ADAMTS12: variants seen among roughly 807,000 people sequenced by gnomAD.
The protein encoded by ADAMTS12 is A disintegrin and metalloproteinase with thrombospondin motifs 12.
A neutral mutation model predicts 167.8 loss-of-function variants in ADAMTS12; 118 were observed. The ratio of observed to expected loss-of-function variants is 0.70; its 90% confidence interval spans 0.61 to 0.82. ADAMTS12 has a LOEUF of 0.82. Among genes scored for constraint, ADAMTS12 ranks in the 40% least tolerant of loss-of-function variants. The probability of loss-of-function intolerance (pLI) is 0.00; values close to 1 mark genes in which losing one functional copy is unlikely to be tolerated. For synonymous variants in ADAMTS12, 704 were observed against 716.9 expected (o/e 0.98, Z 0.29); for missense variants, 1,916 against 1,998.8 (o/e 0.96, Z 0.79).
intron 2 of ADAMTS12, among the ~76,000 whole-genome samples, chr5:33,760,655 A>T (rs951301273): frequency 5.3e-5 from 8 of 152,222 alleles, no homozygotes; most frequent in African/African-American, 1.9e-4. Flanking sequence ...CAACTAAGAG[A>T]CACTGTAGCA....
intron 5 of ADAMTS12, among the ~76,000 whole-genome samples, chr5:33,680,369 C>T (rs1742064567): frequency 1.3e-5 from 2 of 152,158 alleles, no homozygotes; most frequent in Admixed American, 1.3e-4. Context: ...TTAAAGGGGC[C>T]TGATCCGTGG....
intron 20 of ADAMTS12, among the ~76,000 whole-genome samples, chr5:33,556,599 C>T (rs1405935678): frequency 1.3e-5 from 2 of 152,154 alleles, no homozygotes; most frequent in African/African-American, 4.8e-5. Context: ...GGAGCCATAA[C>T]GTGGGAAGGC....
rs539839575 is a variant in ADAMTS12, at chr5:33,855,580, C to CAA, written c.489+25538_489+25539insTT. 1.5e-3 allele frequency among the ~76,000 whole-genome samples: 225 copies of CAA among 152,254 alleles called. 2 individuals carry two copies. The highest frequency in any genetic ancestry group is 5.2e-3 in the African/African-American group (216 of 41,538). On this transcript the variant is annotated intron_variant, in intron 2 of 23. Coordinates refer to ENST00000504830, the MANE Select transcript of ADAMTS12 (RefSeq NM_030955.4). ...ATGTAAAGGTGGTTAAACAGGGAAA[C>CAA]GAGTCATGTTTGCCTTCGAACATGA...
At chr5:33,606,750 C>T (rs1304110499) in intron 16 of ADAMTS12, among the ~76,000 whole-genome samples, 6 of 152,296 alleles carry the variant, frequency 3.9e-5, no homozygotes, top group African/African-American at 1.4e-4. Flanking sequence ...AATAACCCAA[C>T]TCATTTATGA....
intron 3 of ADAMTS12, among the ~76,000 whole-genome samples, chr5:33,722,381 T>A (rs1326813228): frequency 1.3e-5 from 2 of 152,236 alleles, no homozygotes; most frequent in East Asian, 1.9e-4. Flanking sequence ...AGTATTGTTC[T>A]AAGTGTTTTT....
Position 33,553,166 on chromosome 5 carries a change from T to C in ADAMTS12, c.4126-3783A>G, listed in dbSNP as rs372017394. Among the ~76,000 whole-genome samples the C allele has an allele frequency of 1.7e-4, 26 of 152,268 alleles. No individual in the cohort carries two copies. In the South Asian group the frequency reaches 4.8e-3, roughly 28 times the overall value. ...AATGCAAATCAAAACCACAATGAGATACCATTTCACATCTGTCAGAGTGGC... is the reference window on the plus strand; with the variant it reads ...AATGCAAATCAAAACCACAATGAGACACCATTTCACATCTGTCAGAGTGGC... On this transcript the variant is annotated intron_variant, in intron 20 of 23. Coordinates refer to ENST00000504830, the MANE Select transcript of ADAMTS12 (RefSeq NM_030955.4).
intron 3 of ADAMTS12, among the ~76,000 whole-genome samples, chr5:33,721,024 C>G (rs1743787957): frequency 6.6e-6 from 1 of 152,166 alleles, no homozygotes; most frequent in African/African-American, 2.4e-5. Context: ...AATAGTCACA[C>G]AATGGAATTC....
At chr5:33,619,500 G>A (rs370492085) in intron 14 of ADAMTS12, among the ~76,000 whole-genome samples, 2 of 152,040 alleles carry the variant, frequency 1.3e-5, no homozygotes, top group East Asian at 3.9e-4. Flanking sequence ...AGACTCATCT[G>A]ATGTCTCTTG....
chr5:33,654,078 T>A (rs1023395195), intron 7 of ADAMTS12, among the ~76,000 whole-genome samples: 1 of 152,178 alleles, frequency 6.6e-6, no homozygotes, highest in Non-Finnish European at 1.5e-5. Context: ...CTCTTTCTCA[T>A]CCATTCTACT....
At chr5:33,682,455 G>A (rs1421127645) in intron 5 of ADAMTS12, among the ~76,000 whole-genome samples, 1 of 151,866 alleles carries the variant, frequency 6.6e-6, no homozygotes, top group Non-Finnish European at 1.5e-5. Context: ...AGGGTCTCAG[G>A]ACATAGATAA....
chr5:33,648,319 G>C (rs1474974352), intron 9 of ADAMTS12, among the ~76,000 whole-genome samples: 1 of 152,246 alleles, frequency 6.6e-6, no homozygotes, highest in Non-Finnish European at 1.5e-5. Context: ...AGACTGAATT[G>C]AGGCAGTGAC....
chr5:33,602,368 A>G (rs1738232484), intron 16 of ADAMTS12, among the ~76,000 whole-genome samples: 1 of 152,200 alleles, frequency 6.6e-6, no homozygotes. Context: ...TATTTTATAT[A>G]TTTATGCATT....
chr5:33,831,285 T>G (rs1748291150), intron 2 of ADAMTS12, among the ~76,000 whole-genome samples: 1 of 152,218 alleles, frequency 6.6e-6, no homozygotes, highest in Non-Finnish European at 1.5e-5. Flanking sequence ...ATATAGAGAT[T>G]GAATATCTTG....
At chr5:33,845,296 T>TAGGG (rs1748902793) in intron 2 of ADAMTS12, among the ~76,000 whole-genome samples, 1 of 152,070 alleles carries the variant, frequency 6.6e-6, no homozygotes, top group Non-Finnish European at 1.5e-5. Context: ...CCTGAAGAAA[T>TAGGG]AACTATAGGG....
intron 6 of ADAMTS12, 134 bp from the exon 7 acceptor site, chr5:33,658,467 T>C: frequency 1.0e-6 from 1 of 993,194 alleles, no homozygotes; most frequent in South Asian, 2.1e-5. Flanking sequence ...AAAGTCTACA[T>C]GAATGTAGGC....
intron 14 of ADAMTS12, among the ~76,000 whole-genome samples, chr5:33,617,502 T>C (rs546110748): frequency 5.1e-4 from 78 of 152,292 alleles, no homozygotes; most frequent in Non-Finnish European, 7.6e-4. Context: ...GGAACAAAAA[T>C]GTGGTTTGCG....
Position 33,549,368 on chromosome 5 carries a change from T to C in ADAMTS12, c.4141A>G (p.Ser1381Gly). ...ATCTCGCGTATCTTGAAGCCCCCAC[T>C]GCAGTTTCTGGAGCACTGTATGGAG... Reference protein sequence around the residue: ...GNWSKCSRNCSGGFKIREIQC... With the variant: ...GNWSKCSRNCGGGFKIREIQC... The change falls in exon 21 of 24, where the codon AGT becomes GGT. Residue 1381 changes from serine (S) to glycine (G), a missense_variant. By Grantham distance (56) the Ser-to-Gly change is moderately conservative (BLOSUM62 0). Transcript: ENST00000504830. 1 of 1,613,646 alleles carries C rather than the reference T, an allele frequency of 6.2e-7. No individual in the cohort carries two copies. Among genetic ancestry groups the C allele is most frequent in the African/African-American group, 1.3e-5 (1 of 75,028 alleles).
At chr5:33,818,350 G>A (rs1747745296) in intron 2 of ADAMTS12, among the ~76,000 whole-genome samples, 1 of 151,998 alleles carries the variant, frequency 6.6e-6, no homozygotes, top group South Asian at 2.1e-4. Context: ...CCACATATAA[G>A]TGACATCATG....
chr5:33,562,164 T>C (rs1745779524), intron 19 of ADAMTS12, among the ~76,000 whole-genome samples: 3 of 152,112 alleles, frequency 2.0e-5, no homozygotes, highest in South Asian at 4.1e-4. Flanking sequence ...TTGTGCCTTT[T>C]AGCAAGCTCC....
Sources: gnomAD v4.1 joint callset for allele counts (sites outside exome capture counted in the v4.1 genomes callset) on GRCh38, gnomAD v4.1.1 for gene constraint, MANE v1.5 for transcripts, NCBI Gene and HGNC (gene_info 2026-07-23, HGNC 2026-07-21) for gene names.